The following WSCD2 variants were observed in gnomAD, a reference collection of about 807,000 sequenced individuals.
The protein encoded by WSCD2 is WSC domain sialate O sulfotransferase 2.
WSCD2 carries 28 observed loss-of-function variants against 55.7 expected under a neutral mutation model. That is an observed-to-expected ratio of 0.50 (90% confidence interval 0.37 to 0.69). The LOEUF (loss-of-function observed/expected upper bound fraction) is 0.69. Ranked by LOEUF, WSCD2 falls within the 30% of genes least tolerant of loss-of-function variation. The pLI, the probability that WSCD2 is intolerant of heterozygous loss-of-function variation, is 0.00. For missense variants in WSCD2, 616 were observed against 762.1 expected, an observed-to-expected ratio of 0.81 and a Z score of 2.26; for synonymous variants, 301 against 301.9, an observed-to-expected ratio of 1.00 and a Z score of 0.03.
intron 1 of WSCD2, among the ~76,000 whole-genome samples, chr12:108,143,040 C>G (rs1365640137): frequency 6.6e-6 from 1 of 152,210 alleles, no homozygotes; most frequent in Non-Finnish European, 1.5e-5. Context: ...TCTCAAACTC[C>G]TCGCCTCAAG....
At chr12:108,137,054 C>A (rs1009436942) in intron 1 of WSCD2, among the ~76,000 whole-genome samples, 2 of 152,324 alleles carry the variant, frequency 1.3e-5, no homozygotes, top group South Asian at 4.1e-4. Context: ...AGCCCCTAAG[C>A]CTCCAGAGAC....
intron 8 of WSCD2, among the ~76,000 whole-genome samples, chr12:108,245,309 C>T (rs1428885757): frequency 6.6e-6 from 1 of 152,156 alleles, no homozygotes; most frequent in Non-Finnish European, 1.5e-5. Context: ...ACTCTCTAGG[C>T]TACTTGAGAG....
At chr12:108,243,445 G>A (rs1030028280) in intron 8 of WSCD2, among the ~76,000 whole-genome samples, 5 of 152,148 alleles carry the variant, frequency 3.3e-5, no homozygotes, top group Non-Finnish European at 7.4e-5. Context: ...CACCGTGTTA[G>A]CCAGGATGGT....
intron 2 of WSCD2, among the ~76,000 whole-genome samples, chr12:108,199,200 C>T (rs1336900942): frequency 1.3e-5 from 2 of 152,178 alleles, no homozygotes; most frequent in African/African-American, 2.4e-5. Flanking sequence ...ATTAGATTAA[C>T]GCTAATAAAA....
At chr12:108,216,467 C>A (rs753390077) in intron 4 of WSCD2, among the ~76,000 whole-genome samples, 1 of 152,214 alleles carries the variant, frequency 6.6e-6, no homozygotes, top group Non-Finnish European at 1.5e-5. Flanking sequence ...TTCACATAGA[C>A]TATGAGCTGT....
At chr12:108,145,839 A>C (rs1877328378) in intron 1 of WSCD2, among the ~76,000 whole-genome samples, 1 of 152,232 alleles carries the variant, frequency 6.6e-6, no homozygotes, top group Admixed American at 6.5e-5. Context: ...CATTGTGCGA[A>C]AATAATGGTG....
At chr12:108,175,455 C>A (rs113370395) in intron 1 of WSCD2, among the ~76,000 whole-genome samples, 4,578 of 152,292 alleles carry the variant, frequency 0.03, 205 homozygotes, top group African/African-American at 0.1. Flanking sequence ...GGCCTCCCCT[C>A]GGTTTAATAG....
intron 6 of WSCD2, among the ~76,000 whole-genome samples, 193 bp downstream of exon 6, chr12:108,227,357 C>T (rs577898424): frequency 2.6e-5 from 4 of 152,336 alleles, no homozygotes; most frequent in East Asian, 1.9e-4. Flanking sequence ...GGGTGGGAAG[C>T]GTTCTGATGA....
intron 4 of WSCD2, among the ~76,000 whole-genome samples, chr12:108,218,390 C>T (rs1410755897): frequency 6.6e-6 from 1 of 152,180 alleles, no homozygotes; most frequent in Non-Finnish European, 1.5e-5. Flanking sequence ...GCCTGTCAGT[C>T]CAGGGAAATG....
intron 1 of WSCD2, among the ~76,000 whole-genome samples, chr12:108,159,808 G>T (rs1305659054): frequency 6.6e-6 from 1 of 152,188 alleles, no homozygotes; most frequent in Non-Finnish European, 1.5e-5. Context: ...TGGGAGGACG[G>T]TCCTTGCCAT....
At chr12:108,198,056 C>T (rs1884166663) in intron 2 of WSCD2, among the ~76,000 whole-genome samples, 1 of 151,560 alleles carries the variant, frequency 6.6e-6, no homozygotes, top group Non-Finnish European at 1.5e-5. Flanking sequence ...ACCCCACTTC[C>T]TACCCAGTCA....
intron 1 of WSCD2, among the ~76,000 whole-genome samples, chr12:108,182,288 A>T (rs1034578582): frequency 3.9e-5 from 6 of 152,184 alleles, no homozygotes; most frequent in Non-Finnish European, 7.3e-5. Flanking sequence ...GACTTGAAAT[A>T]TATAATTCAT....
chr12:108,132,076 G>T (rs769623808), intron 1 of WSCD2, among the ~76,000 whole-genome samples: 2 of 152,062 alleles, frequency 1.3e-5, no homozygotes, highest in African/African-American at 4.8e-5. Flanking sequence ...GTGTGCCTGC[G>T]TATGCACACA....
chr12:108,167,617 G>GA (rs1281201517), intron 1 of WSCD2: 5 of 152,226 alleles, frequency 3.3e-5, no homozygotes, highest in African/African-American at 1.2e-4. Flanking sequence ...AAGCTCATGA[G>GA]ATCTTAGTTT....
At chr12:108,146,242 C>T (rs139912146) in intron 1 of WSCD2, among the ~76,000 whole-genome samples, 1 of 152,358 alleles carries the variant, frequency 6.6e-6, no homozygotes, top group Non-Finnish European at 1.5e-5. Context: ...GGCCCCCATC[C>T]ACCAGGACCA....
chr12:108,153,338 G>C (rs918265300), intron 1 of WSCD2, among the ~76,000 whole-genome samples: 4 of 152,182 alleles, frequency 2.6e-5, no homozygotes, highest in African/African-American at 9.7e-5. Flanking sequence ...GATCTCTGTA[G>C]CCCCATACTC....
chr12:108,159,382 C>G (rs897882007), intron 1 of WSCD2, among the ~76,000 whole-genome samples: 1 of 152,208 alleles, frequency 6.6e-6, no homozygotes, highest in African/African-American at 2.4e-5. Flanking sequence ...CTCTGTGAGA[C>G]AGAAACTACT....
At chr12:108,202,489 G>A (rs1211583494) in intron 2 of WSCD2, among the ~76,000 whole-genome samples, 3 of 152,274 alleles carry the variant, frequency 2.0e-5, no homozygotes, top group African/African-American at 7.2e-5. Context: ...GGGTGAGGAA[G>A]GGGACAGAGC....
At chr12:108,242,295 G>C (rs991379416) in intron 8 of WSCD2, among the ~76,000 whole-genome samples, 11 of 152,244 alleles carry the variant, frequency 7.2e-5, no homozygotes, top group Non-Finnish European at 1.5e-4. Flanking sequence ...CAGTGAGGGG[G>C]TGGAAGCTTG....
Sources: allele counts gnomAD v4.1 joint callset (sites outside exome capture counted in the v4.1 genomes callset), GRCh38; gene constraint gnomAD v4.1.1; transcripts MANE v1.5; gene names NCBI Gene and HGNC (gene_info 2026-07-23, HGNC 2026-07-21).